The following ASIC2 variants were observed in gnomAD, a reference collection of about 807,000 sequenced individuals.
ASIC2 encodes the protein acid-sensing ion channel 2.
Under a neutral mutation model 57.3 loss-of-function variants are expected in ASIC2, and 25 were observed. The observed-to-expected ratio is 0.44, with a 90% CI of 0.32 to 0.61. The LOEUF (loss-of-function observed/expected upper bound fraction) is 0.61, where lower values mean the gene tolerates loss of function less well. ASIC2 is among the 20% of genes least tolerant of loss of function. The pLI is 0.06. For missense variants in ASIC2, 641 were observed against 738.1 expected (o/e 0.87, Z 1.52); for synonymous variants, 319 against 307.5 (o/e 1.04, Z -0.39).
At chr17:33,804,432 T>G (rs1404957761) in intron 1 of ASIC2, among the ~76,000 whole-genome samples, 3 of 152,160 alleles carry the variant, frequency 2.0e-5, no homozygotes, top group African/African-American at 7.2e-5. Flanking sequence ...CTCCACCCAC[T>G]GGGCATGCTG....
chr17:33,979,385 C>G (rs962086639), intron 1 of ASIC2, among the ~76,000 whole-genome samples: 3 of 152,174 alleles, frequency 2.0e-5, no homozygotes, highest in Non-Finnish European at 4.4e-5. Context: ...GAAACCCTGA[C>G]TTCTCCCCTC....
At chr17:33,731,575 T>C (rs550136810) in intron 1 of ASIC2, among the ~76,000 whole-genome samples, 39 of 152,306 alleles carry the variant, frequency 2.6e-4, no homozygotes, top group African/African-American at 8.9e-4. Context: ...AGGAATTTAA[T>C]ATACAGAGAG....
intron 1 of ASIC2, among the ~76,000 whole-genome samples, chr17:33,548,530 G>A (rs1915650606): frequency 6.6e-6 from 1 of 152,156 alleles, no homozygotes; most frequent in Non-Finnish European, 1.5e-5. Context: ...TTGCACACTG[G>A]CCATGCATTG....
chr17:34,004,105 A>T (rs1276288605), intron 1 of ASIC2: 1 of 152,000 alleles, frequency 6.6e-6, no homozygotes, highest in East Asian at 1.9e-4. Flanking sequence ...TTTGGATGAG[A>T]GTTTGTTGAG....
intron 1 of ASIC2, among the ~76,000 whole-genome samples, chr17:34,056,038 TCAGGG>T (rs1359114687): frequency 1.3e-5 from 2 of 152,176 alleles, no homozygotes; most frequent in Non-Finnish European, 2.9e-5. Flanking sequence ...AGTAAGACTG[TCAGGG>T]GACAGATTTG....
intron 1 of ASIC2, among the ~76,000 whole-genome samples, chr17:33,254,202 G>A (rs1044308507): frequency 1.3e-5 from 2 of 152,112 alleles, no homozygotes; most frequent in African/African-American, 4.8e-5. Flanking sequence ...AGAGCTGGGT[G>A]GATTTTTAGG....
chr17:33,450,291 T>C (rs191854321), intron 1 of ASIC2, among the ~76,000 whole-genome samples: 17 of 152,336 alleles, frequency 1.1e-4, no homozygotes, highest in Admixed American at 1.1e-3. Flanking sequence ...GACACTATTA[T>C]TTTCTTACCC....
intron 1 of ASIC2, among the ~76,000 whole-genome samples, chr17:33,759,631 G>A (rs931964301): frequency 6.6e-6 from 1 of 152,112 alleles, no homozygotes; most frequent in African/African-American, 2.4e-5. Context: ...ATGGCAGAAT[G>A]GTTTCAGGGG....
chr17:33,344,531 C>T lies in ASIC2; in HGVS notation c.556-232464G>A, dbSNP rs180896931. Among the ~76,000 whole-genome samples the T allele has an allele frequency of 1.3e-4, 20 of 152,310 alleles. No individual in the cohort carries two copies. The East Asian group carries it at 3.9e-3, about 29-fold the overall frequency. On this transcript the variant is annotated intron_variant, in intron 1 of 9. Transcript: ENST00000359872. ...ATCCTGACCTGGCCACTTACCACTG[C>T]ATAGCCCCAAGCCAAGGATTTACTC...
chr17:33,698,231 G>A (rs902070903), intron 1 of ASIC2, among the ~76,000 whole-genome samples: 1 of 152,146 alleles, frequency 6.6e-6, no homozygotes, highest in African/African-American at 2.4e-5. Flanking sequence ...TAGCGGTTAA[G>A]TGTGGATACA....
chr17:33,602,273 G>T (rs1174224054), intron 1 of ASIC2, among the ~76,000 whole-genome samples: 3 of 152,226 alleles, frequency 2.0e-5, no homozygotes, highest in Non-Finnish European at 4.4e-5. Context: ...CAAAGTTCCT[G>T]TGCTGGAAAC....
At chr17:34,119,698 A>G (rs111845164) in intron 1 of ASIC2, among the ~76,000 whole-genome samples, 7 of 152,116 alleles carry the variant, frequency 4.6e-5, no homozygotes, top group African/African-American at 7.2e-5. Context: ...GAATTCCCAC[A>G]GCAATTTATC....
chr17:33,610,172 T>C (rs1485784256), intron 1 of ASIC2, among the ~76,000 whole-genome samples: 1 of 152,212 alleles, frequency 6.6e-6, no homozygotes, highest in Non-Finnish European at 1.5e-5. Flanking sequence ...GCCTCTGTTT[T>C]TTTGAGACAG....
chr17:33,077,615 G>A (rs1017090684), intron 3 of ASIC2, among the ~76,000 whole-genome samples: 1 of 152,166 alleles, frequency 6.6e-6, no homozygotes, highest in Non-Finnish European at 1.5e-5. Flanking sequence ...TTTGGGGATG[G>A]AGCAGTCTAA....
At chr17:33,548,770 C>T (rs1287826690) in intron 1 of ASIC2, among the ~76,000 whole-genome samples, 1 of 152,176 alleles carries the variant, frequency 6.6e-6, no homozygotes, top group Non-Finnish European at 1.5e-5. Flanking sequence ...CCTTGCTGTA[C>T]CTTAAGCAAG....
chr17:33,840,885 CA>C (rs1913417385), intron 1 of ASIC2, among the ~76,000 whole-genome samples: 1 of 150,916 alleles, frequency 6.6e-6, no homozygotes, highest in Non-Finnish European at 1.5e-5. Context: ...TTTGAGGGCA[CA>C]TTAACAAAAT....
At chr17:33,913,918 C>G (rs1045975134) in intron 1 of ASIC2, among the ~76,000 whole-genome samples, 9 of 152,158 alleles carry the variant, frequency 5.9e-5, no homozygotes, top group Admixed American at 5.9e-4. Context: ...AGATAGATGC[C>G]ATTAATTCTA....
intron 1 of ASIC2, among the ~76,000 whole-genome samples, chr17:33,613,642 C>T (rs1402597487): frequency 6.6e-6 from 1 of 152,188 alleles, no homozygotes; most frequent in Non-Finnish European, 1.5e-5. Context: ...GCTGGGATTA[C>T]AGGCGTGAGC....
chr17:33,338,447 G>A (rs1198519858), intron 1 of ASIC2, among the ~76,000 whole-genome samples: 2 of 152,188 alleles, frequency 1.3e-5, no homozygotes, highest in South Asian at 2.1e-4. Flanking sequence ...GCTTCCTGGA[G>A]GAGGTGATAT....
Sources: allele counts gnomAD v4.1 joint callset (sites outside exome capture counted in the v4.1 genomes callset), GRCh38; gene constraint gnomAD v4.1.1; transcripts MANE v1.5; gene names NCBI Gene and HGNC (gene_info 2026-07-23, HGNC 2026-07-21).